ADGRL3: variants seen among roughly 807,000 people sequenced by gnomAD.
The protein encoded by ADGRL3 is adhesion G protein-coupled receptor L3, also known as calcium-independent alpha-latrotoxin receptor 3.
In ADGRL3, 62 loss-of-function variants were observed where a neutral mutation model predicts 153.5. That is an observed-to-expected ratio of 0.40 (90% CI 0.33 to 0.50). The LOEUF (loss-of-function observed/expected upper bound fraction) is 0.50, where lower values mean the gene tolerates loss of function less well. Among genes scored for constraint, ADGRL3 ranks in the 20% least tolerant of loss-of-function variants. The pLI is 0.47. For synonymous variants in ADGRL3, 710 were observed against 672.5 expected (o/e 1.06, Z -0.86); for missense variants, 1,641 against 1,859.4 (o/e 0.88, Z 2.16).
At chr4:61,453,709 G>A (rs1360169574) in intron 2 of ADGRL3, among the ~76,000 whole-genome samples, 1 of 152,042 alleles carries the variant, frequency 6.6e-6, no homozygotes, top group Non-Finnish European at 1.5e-5. Context: ...TCAAGCTTGT[G>A]CAGATAACTG....
chr4:61,610,364 G>T lies in ADGRL3; in HGVS notation c.473+22924G>T, dbSNP rs544968260. On this transcript the variant is annotated intron_variant, in intron 5 of 26. Coordinates refer to ENST00000683033, the MANE Select transcript of ADGRL3 (RefSeq NM_001387552.1). Reference sequence around the variant, plus strand: ...TTCTACTGCCAAGAATTACCCAGGGGTATGTCAGCAACTACAGTTTATAAG... The same window carrying T: ...TTCTACTGCCAAGAATTACCCAGGGTTATGTCAGCAACTACAGTTTATAAG... Among the ~76,000 whole-genome samples the T allele has an allele frequency of 8.0e-4, 121 of 152,140 alleles. 1 individual carries two copies. Among genetic ancestry groups the T allele is most frequent in the African/African-American group, 2.9e-3 (120 of 41,542 alleles).
chr4:62,060,066 A>G (rs1158360035), intron 25 of ADGRL3, among the ~76,000 whole-genome samples: 4 of 151,946 alleles, frequency 2.6e-5, no homozygotes, highest in Non-Finnish European at 5.9e-5. Context: ...TTGTTCTTGT[A>G]TTCTTGGCTT....
At position 61,666,424 on chromosome 4, in the gene ADGRL3, C is replaced by G. The variant is rs115908596; in HGVS notation, c.474-10402C>G. Among the ~76,000 whole-genome samples, 537 of 151,572 alleles carry G rather than the reference C, an allele frequency of 3.5e-3. 4 individuals are homozygous for G. Among genetic ancestry groups the G allele is most frequent in the Non-Finnish European group, 6.3e-3 (431 of 67,944 alleles). ...AGAAAAATGTCTTAACTAAGTGATT[C>G]AGTATGACATTCCTTGTCTCAGCCC... On this transcript the variant is annotated intron_variant, in intron 5 of 26. Coordinates refer to ENST00000683033, the MANE Select transcript of ADGRL3 (RefSeq NM_001387552.1).
chr4:61,818,710 CTTAAAATGG>C (rs1041061813), intron 9 of ADGRL3, among the ~76,000 whole-genome samples: 11 of 152,026 alleles, frequency 7.2e-5, no homozygotes, highest in African/African-American at 2.7e-4. Flanking sequence ...TGCTCTCTAC[CTTAAAATGG>C]TTGTCCTGAT....
chr4:61,261,710 G>A (rs1036143954), intron 1 of ADGRL3, among the ~76,000 whole-genome samples: 2 of 152,186 alleles, frequency 1.3e-5, no homozygotes, highest in African/African-American at 4.8e-5. Flanking sequence ...AATAAAGTAT[G>A]CTACAAAACA....
At chr4:62,003,555 A>G (rs994084945) in intron 21 of ADGRL3, among the ~76,000 whole-genome samples, 5 of 152,130 alleles carry the variant, frequency 3.3e-5, no homozygotes, top group African/African-American at 9.7e-5. Flanking sequence ...GAGCTTTGTG[A>G]TAATTACATG....
intron 2 of ADGRL3, chr4:61,420,402 T>C (rs1310624254): frequency 2.9e-5 from 1 of 34,940 alleles, no homozygotes; most frequent in East Asian, 8.5e-4. Context: ...AAAGGAAAGC[T>C]TTTTTTTTTT....
chr4:61,651,560 G>A (rs1410017195), intron 5 of ADGRL3, among the ~76,000 whole-genome samples: 2 of 151,810 alleles, frequency 1.3e-5, no homozygotes, highest in Non-Finnish European at 2.9e-5. Context: ...ATTGAGTAAT[G>A]TTTTCAAAAT....
chr4:61,413,546 G>T (rs1353509511), intron 2 of ADGRL3, among the ~76,000 whole-genome samples: 1 of 152,130 alleles, frequency 6.6e-6, no homozygotes, highest in African/African-American at 2.4e-5. Context: ...GATAATGTGG[G>T]TGTGGGTGAG....
chr4:61,532,549 C>CGT (rs373230592), intron 4 of ADGRL3, among the ~76,000 whole-genome samples: 2,544 of 103,554 alleles, frequency 0.025, 37 homozygotes, highest in South Asian at 0.089. Flanking sequence ...CGCGCGCGCG[C>CGT]GCGCGCGTGT....
intron 9 of ADGRL3, among the ~76,000 whole-genome samples, chr4:61,856,895 C>T (rs1345160330): frequency 6.6e-6 from 1 of 151,008 alleles, no homozygotes; most frequent in Admixed American, 6.6e-5. Flanking sequence ...CCAGGGAGCT[C>T]AGCCTGCCTG....
At chr4:61,610,719 T>C (rs965131699) in intron 5 of ADGRL3, among the ~76,000 whole-genome samples, 3 of 152,194 alleles carry the variant, frequency 2.0e-5, no homozygotes, top group African/African-American at 7.2e-5. Context: ...ATTATCTGCT[T>C]GTCGGTGGAC....
intron 3 of ADGRL3, among the ~76,000 whole-genome samples, chr4:61,510,869 A>C (rs2098459847): frequency 6.6e-6 from 1 of 152,126 alleles, no homozygotes; most frequent in Non-Finnish European, 1.5e-5. Context: ...TGGCGATTCT[A>C]GCAATATTAA....
At chr4:61,315,977 A>C (rs945108165) in intron 1 of ADGRL3, among the ~76,000 whole-genome samples, 7 of 152,206 alleles carry the variant, frequency 4.6e-5, no homozygotes, top group African/African-American at 1.4e-4. Flanking sequence ...AGACTGAGGC[A>C]CTAGGGATAT....
At chr4:61,479,114 AG>A (rs1190413777) in intron 2 of ADGRL3, among the ~76,000 whole-genome samples, 1 of 152,006 alleles carries the variant, frequency 6.6e-6, no homozygotes. Context: ...AGCTATTAGC[AG>A]ATCAACTCTA....
At chr4:61,245,248 A>C (rs1378479681) in intron 1 of ADGRL3, among the ~76,000 whole-genome samples, 2 of 152,074 alleles carry the variant, frequency 1.3e-5, no homozygotes, top group Non-Finnish European at 2.9e-5. Context: ...CCTCAGCCGA[A>C]CCTTGAGTAC....
chr4:61,905,000 A>G, intron 11 of ADGRL3, among the ~76,000 whole-genome samples: 1 of 152,172 alleles, frequency 6.6e-6, no homozygotes, highest in Non-Finnish European at 1.5e-5. Context: ...ATAACAACAA[A>G]ATAATTACAT....
chr4:61,433,120 A>G (rs2097396096), intron 2 of ADGRL3, among the ~76,000 whole-genome samples: 1 of 152,130 alleles, frequency 6.6e-6, no homozygotes, highest in African/African-American at 2.4e-5. Flanking sequence ...TTTGTGCTAT[A>G]ATGTTATGGG....
At chr4:61,615,942 T>C (rs889035281) in intron 5 of ADGRL3, among the ~76,000 whole-genome samples, 1 of 152,136 alleles carries the variant, frequency 6.6e-6, no homozygotes, top group Non-Finnish European at 1.5e-5. Context: ...ACTTGCTCTA[T>C]AATGAGTAGG....
Sources: gnomAD v4.1 joint callset for allele counts (sites outside exome capture counted in the v4.1 genomes callset) on GRCh38, gnomAD v4.1.1 for gene constraint, MANE v1.5 for transcripts, NCBI Gene and HGNC (gene_info 2026-07-23, HGNC 2026-07-21) for gene names.